LACTB: variants seen among roughly 807,000 people sequenced by gnomAD.
The protein encoded by LACTB is serine beta-lactamase-like protein LACTB, mitochondrial.
In LACTB, 35 loss-of-function variants were observed where a neutral mutation model predicts 50.2. The observed-to-expected ratio is 0.70, with a 90% CI of 0.53 to 0.92. LACTB has a LOEUF of 0.92. Among genes scored for constraint, LACTB ranks in the 40% least tolerant of loss-of-function variants. The pLI, the probability that LACTB is intolerant of heterozygous loss-of-function variation, is 0.00. For missense variants in LACTB, 664 were observed against 691.8 expected (o/e 0.96, Z 0.45); for synonymous variants, 252 against 268.2 (o/e 0.94, Z 0.59).
Position 63,141,889 on chromosome 15 carries a change from A to G in LACTB, c.*84A>G. 3.3e-6 allele frequency: 4 copies of G among 1,195,132 alleles called. No homozygotes were observed. The highest frequency in any genetic ancestry group is 4.6e-6 in the Non-Finnish European group (4 of 860,898). 74.0% of individuals were successfully genotyped at this position (1,195,132 alleles called of 1,614,324 possible). The stretch of plus-strand genomic sequence containing the variant: ...GTTCCAAAACATGACATTTTTAAGA[A>G]TAAATTTGAAATAGAGTATAACTGA... On this transcript the variant is annotated 3_prime_UTR_variant, in exon 6 of 6. Coordinates refer to ENST00000261893, the MANE Select transcript of LACTB (RefSeq NM_032857.5).
intron 5 of LACTB, among the ~76,000 whole-genome samples, chr15:63,134,812 ATGTG>A (rs59941185): frequency 5.7e-4 from 85 of 148,614 alleles, no homozygotes; most frequent in African/African-American, 1.6e-3. Context: ...TGTGTGTGTG[ATGTG>A]TGTGTGTGTG....
Position 63,129,485 on chromosome 15 carries a change from G to T in LACTB, c.953G>T (p.Gly318Val). The T allele has an allele frequency of 6.3e-7, 1 of 1,577,058 alleles. No homozygotes were observed. Among genetic ancestry groups the T allele is most frequent in the Non-Finnish European group, 8.6e-7 (1 of 1,164,178 alleles). Residue 318 changes from glycine (G) to valine (V), a missense_variant and splice_region_variant, in exon 5 of 6, where the codon GGT becomes GTT. Gly to Val is a moderately radical substitution (Grantham distance 109). Transcript: ENST00000261893. ...FKNDPLFFKP[G>V]SQFLYSTFGY... ...TTCCTCCTCGCAATGATGTCTCAAG[G>T]TAGTCAGTTTTTGTATTCAACTTTT... is the stretch of plus-strand genomic sequence containing the variant.
chr15:63,127,104 A>G, intron 3 of LACTB, 55 bp downstream of exon 3: 1 of 1,266,194 alleles, frequency 7.9e-7, no homozygotes, highest in Non-Finnish European at 1.1e-6. Context: ...TTTATGCTGG[A>G]ATTTATATTT....
At chr15:63,134,677 T>C (rs919051724) in intron 5 of LACTB, among the ~76,000 whole-genome samples, 6 of 152,244 alleles carry the variant, frequency 3.9e-5, no homozygotes, top group Admixed American at 3.9e-4. Context: ...AATTTGTAGC[T>C]GAGCAGGCAT....
chr15:63,140,439 T>C (rs753394626), intron 5 of LACTB, among the ~76,000 whole-genome samples: 1 of 152,210 alleles, frequency 6.6e-6, no homozygotes, highest in African/African-American at 2.4e-5. Flanking sequence ...ACCTCTTTTT[T>C]AAAATCTTCA....
intron 1 of LACTB, 173 bp from the exon 2 acceptor site, chr15:63,122,463 A>T (rs2036988087): frequency 1.4e-6 from 1 of 708,194 alleles, no homozygotes; most frequent in African/African-American, 1.8e-5. Context: ...GGGGGCGGAC[A>T]GGCACATCCC....
At chr15:63,131,779 C>T (rs1245034616) in intron 5 of LACTB, among the ~76,000 whole-genome samples, 1 of 151,802 alleles carries the variant, frequency 6.6e-6, no homozygotes, top group Non-Finnish European at 1.5e-5. Context: ...ACCCCGTCTC[C>T]ACAAAAAATA....
chr15:63,127,718 A>G (rs1397966484), intron 4 of LACTB, 29 bp downstream of exon 4: 3 of 1,374,874 alleles, frequency 2.2e-6, no homozygotes, highest in African/African-American at 1.5e-5. Context: ...TCTTAACAAA[A>G]TCATCATTAC....
chr15:63,136,358 C>T (rs1051566036), intron 5 of LACTB, among the ~76,000 whole-genome samples: 3 of 152,014 alleles, frequency 2.0e-5, no homozygotes, highest in African/African-American at 7.2e-5. Context: ...TGAAAAAAGG[C>T]GATGGGTTTC....
At chr15:63,132,663 CA>C (rs1027125345) in intron 5 of LACTB, among the ~76,000 whole-genome samples, 156 of 151,430 alleles carry the variant, frequency 1.0e-3, no homozygotes, top group African/African-American at 3.1e-3. Flanking sequence ...ACCAAAAGTA[CA>C]AAAAAAATTA....
At position 63,126,941 on chromosome 15, in the gene LACTB, C is replaced by T. The variant is rs1566990263; in HGVS notation, c.507C>T (p.Leu169=). 1 of 1,613,492 alleles carries T rather than the reference C, an allele frequency of 6.2e-7. No homozygotes were observed. Among genetic ancestry groups the T allele is most frequent in the Non-Finnish European group, 8.5e-7 (1 of 1,179,606 alleles). ...VMRIASISKS[L]TMVALAKLWE... is the part of the protein sequence containing the mutation. ...GAATTGCTAGCATCAGCAAAAGTCT[C>T]ACCATGGTTGCTCTTGCCAAATTGT... is the stretch of plus-strand genomic sequence containing the variant. The change falls in exon 3 of 6, where the codon CTC becomes CTT. Residue 169 remains leucine (L), a synonymous_variant. Coordinates refer to ENST00000261893, the MANE Select transcript of LACTB (RefSeq NM_032857.5).
chr15:63,141,272 C>A lies in LACTB; in HGVS notation c.1119-8C>A. ...AATTTTTCATGATCATTTCTTATTT[C>A]CTTTTAGATTTTATGTTTACAATAA... is the stretch of plus-strand genomic sequence containing the variant. On this transcript the variant is annotated splice_polypyrimidine_tract_variant and splice_region_variant and intron_variant, in intron 5 of 5. Coordinates refer to ENST00000261893, the MANE Select transcript of LACTB (RefSeq NM_032857.5). The A allele has an allele frequency of 6.4e-7, 1 of 1,574,536 alleles. No individual in the cohort carries two copies. The highest frequency in any genetic ancestry group is 8.6e-7 in the Non-Finnish European group (1 of 1,160,950).
At chr15:63,139,473 C>CCTCTACT (rs2037208145) in intron 5 of LACTB, among the ~76,000 whole-genome samples, 1 of 151,936 alleles carries the variant, frequency 6.6e-6, no homozygotes, top group South Asian at 2.1e-4. Context: ...GCCAACATGG[C>CCTCTACT]AAAACCCCAC....
chr15:63,123,948 C>T (rs558265550), intron 2 of LACTB, among the ~76,000 whole-genome samples: 3 of 152,148 alleles, frequency 2.0e-5, no homozygotes, highest in African/African-American at 7.2e-5. Flanking sequence ...GATGTCAGGC[C>T]CTCCACAAGA....
chr15:63,139,469 ATGG>A (rs2037208057), intron 5 of LACTB, among the ~76,000 whole-genome samples: 1 of 152,134 alleles, frequency 6.6e-6, no homozygotes, highest in South Asian at 2.1e-4. Flanking sequence ...CCTGGCCAAC[ATGG>A]CAAAACCCCA....
chr15:63,122,499 TGGGACGAGGTGGGCGG>T, intron 1 of LACTB, 121 bp from the exon 2 acceptor site: 1 of 787,220 alleles, frequency 1.3e-6, no homozygotes. Flanking sequence ...GACCATGGCC[TGGGACGAGGTGGGCGG>T]GGCCCAGGTG....
Position 63,141,531 on chromosome 15 carries a change from A to G in LACTB, c.1370A>G (p.Glu457Gly), listed in dbSNP as rs2037228420. 6.2e-7 allele frequency: 1 copy of G among 1,614,118 alleles called. No homozygotes were observed. Among genetic ancestry groups the G allele is most frequent in the African/African-American group, 1.3e-5 (1 of 74,938 alleles). Reference protein sequence around the residue: ...VPNTEMSWDKEGKYAMAWGVV... With the variant: ...VPNTEMSWDKGGKYAMAWGVV... ...AACACAGAGATGTCTTGGGATAAAGAGGGTAAATATGCAATGGCGTGGGGT... is the reference window on the plus strand; with the variant it reads ...AACACAGAGATGTCTTGGGATAAAGGGGGTAAATATGCAATGGCGTGGGGT... The change falls in exon 6 of 6, where the codon GAG (glutamate) becomes GGG (glycine). Residue 457 changes from glutamate to glycine, a missense_variant. By Grantham distance (98) the Glu-to-Gly change is moderately conservative. Transcript: ENST00000261893.
chr15:63,135,958 T>G (rs1330315580), intron 5 of LACTB, among the ~76,000 whole-genome samples: 1 of 152,214 alleles, frequency 6.6e-6, no homozygotes, highest in East Asian at 1.9e-4. Flanking sequence ...TATTATTTCC[T>G]GTTTTCTTGA....
intron 2 of LACTB, among the ~76,000 whole-genome samples, chr15:63,123,909 C>T (rs2037012156): frequency 6.6e-6 from 1 of 152,190 alleles, no homozygotes; most frequent in Non-Finnish European, 1.5e-5. Flanking sequence ...GACGGTTAGG[C>T]CTCCGGATAA....
Sources: gnomAD v4.1 joint callset for allele counts (sites outside exome capture counted in the v4.1 genomes callset) on GRCh38, gnomAD v4.1.1 for gene constraint, MANE v1.5 for transcripts, NCBI Gene and HGNC (gene_info 2026-07-23, HGNC 2026-07-21) for gene names.